Variants in ATG7 observed in about 807,000 individuals in gnomAD.
ATG7 encodes the protein ubiquitin-like modifier-activating enzyme ATG7.
In ATG7, 70 loss-of-function variants were observed where a neutral mutation model predicts 82.4. The ratio of observed to expected loss-of-function variants is 0.85; its 90% CI spans 0.70 to 1.04. The LOEUF (loss-of-function observed/expected upper bound fraction) is 1.04. Ranked by LOEUF, ATG7 falls within the 50% of genes least tolerant of loss-of-function variation. The pLI, the probability that ATG7 is intolerant of heterozygous loss-of-function variation, is 0.00. For missense variants in ATG7, 792 were observed against 864.3 expected (o/e 0.92, Z 1.05); for synonymous variants, 287 against 313.0 (o/e 0.92, Z 0.88).
chr3:11,329,408 C>G (rs555652515), intron 9 of ATG7, among the ~76,000 whole-genome samples: 1 of 152,130 alleles, frequency 6.6e-6, no homozygotes, highest in Non-Finnish European at 1.5e-5. Flanking sequence ...TTCATTTAAC[C>G]CATGCTATGC....
intron 9 of ATG7, among the ~76,000 whole-genome samples, chr3:11,325,346 C>T (rs1055183276): frequency 1.3e-5 from 2 of 152,176 alleles, no homozygotes; most frequent in African/African-American, 4.8e-5. Flanking sequence ...GCGCTGGCCT[C>T]ATTCTCAGTT....
intron 3 of ATG7, among the ~76,000 whole-genome samples, chr3:11,287,119 G>T (rs574664048): frequency 6.6e-6 from 1 of 152,222 alleles, no homozygotes; most frequent in Non-Finnish European, 1.5e-5. Flanking sequence ...ACTCACAAGG[G>T]ATTAGGGACA....
intron 11 of ATG7, among the ~76,000 whole-genome samples, chr3:11,333,351 C>T (rs906520671): frequency 6.6e-6 from 1 of 152,168 alleles, no homozygotes; most frequent in African/African-American, 2.4e-5. Context: ...CCTCTGCTCC[C>T]CCCGTTTTCA....
the ATG7 span, among the ~76,000 whole-genome samples, chr3:11,569,812 T>G: frequency 6.6e-6 from 1 of 151,994 alleles, no homozygotes; most frequent in Non-Finnish European, 1.5e-5. Context: ...GCCCAGGAGG[T>G]GGAGGCTACA....
intron 20 of ATG7, among the ~76,000 whole-genome samples, chr3:11,459,480 T>G (rs1287720207): frequency 7.7e-6 from 1 of 129,118 alleles, no homozygotes; most frequent in Non-Finnish European, 1.6e-5. Context: ...AGAATGAGAA[T>G]AAAAACAGGA....
At chr3:11,443,075 C>T (rs1185062128) in intron 20 of ATG7, among the ~76,000 whole-genome samples, 1 of 152,204 alleles carries the variant, frequency 6.6e-6, no homozygotes, top group Non-Finnish European at 1.5e-5. Context: ...AGACACTCTT[C>T]CCTGTTTTGA....
chr3:11,562,583 G>A (rs146110388), downstream of ATG7, among the ~76,000 whole-genome samples: 6 of 152,360 alleles, frequency 3.9e-5, no homozygotes, highest in East Asian at 7.7e-4. Flanking sequence ...CACAGGCAAC[G>A]TGGCTGCTTG....
intron 19 of ATG7, among the ~76,000 whole-genome samples, chr3:11,400,208 A>G (rs1189697788): frequency 6.6e-6 from 1 of 152,288 alleles, no homozygotes; most frequent in Middle Eastern, 3.4e-3. Flanking sequence ...GGTAGATCAT[A>G]TAACTCATCA....
chr3:11,362,467 G>A (rs2076343784), intron 16 of ATG7, among the ~76,000 whole-genome samples: 1 of 152,160 alleles, frequency 6.6e-6, no homozygotes, highest in Admixed American at 6.5e-5. Flanking sequence ...CTGTGTCTCT[G>A]TCACTTAACT....
intron 19 of ATG7, among the ~76,000 whole-genome samples, chr3:11,391,961 G>GT (rs1000132465): frequency 4.2e-5 from 6 of 142,754 alleles, no homozygotes; most frequent in African/African-American, 1.3e-4. Flanking sequence ...TACTTATTGG[G>GT]GGGGGGGTAA....
chr3:11,524,244 G>A (rs1255113210), intron 20 of ATG7, among the ~76,000 whole-genome samples: 4 of 152,140 alleles, frequency 2.6e-5, no homozygotes, highest in East Asian at 1.9e-4. Context: ...TTGAAACACA[G>A]ACAAAGGAAG....
intron 19 of ATG7, among the ~76,000 whole-genome samples, chr3:11,385,723 A>G (rs1038355957): frequency 6.6e-6 from 1 of 152,240 alleles, no homozygotes; most frequent in African/African-American, 2.4e-5. Flanking sequence ...AGGGTCAAGT[A>G]GGAGTTTCTA....
chr3:11,302,941 G>C (rs116883154), intron 5 of ATG7, among the ~76,000 whole-genome samples: 4 of 152,168 alleles, frequency 2.6e-5, no homozygotes, highest in African/African-American at 4.8e-5. Flanking sequence ...CTTGAGTTAG[G>C]GTATCCTGCT....
chr3:11,327,410 A>G (rs1446130788), intron 9 of ATG7, among the ~76,000 whole-genome samples: 2 of 152,256 alleles, frequency 1.3e-5, no homozygotes, highest in African/African-American at 4.8e-5. Flanking sequence ...GATAGTGTAC[A>G]TAAGAATCAC....
chr3:11,541,191 C>T (rs372599577), intron 20 of ATG7, among the ~76,000 whole-genome samples: 2 of 152,298 alleles, frequency 1.3e-5, no homozygotes, highest in South Asian at 2.1e-4. Flanking sequence ...TGAGCCATCG[C>T]GCCCGGCTGG....
intron 20 of ATG7, among the ~76,000 whole-genome samples, chr3:11,513,562 C>A (rs1234067579): frequency 6.6e-6 from 1 of 152,234 alleles, no homozygotes; most frequent in Non-Finnish European, 1.5e-5. Flanking sequence ...AGCCCACGCC[C>A]ACCCGGAACT....
At chr3:11,431,951 TG>T (rs990529373) in intron 20 of ATG7, among the ~76,000 whole-genome samples, 4 of 152,236 alleles carry the variant, frequency 2.6e-5, no homozygotes, top group Non-Finnish European at 5.9e-5. Flanking sequence ...CCCAATTTTT[TG>T]CACTCATCCC....
intron 18 of ATG7, among the ~76,000 whole-genome samples, chr3:11,368,628 C>T (rs967218302): frequency 1.3e-5 from 2 of 151,088 alleles, no homozygotes; most frequent in Non-Finnish European, 2.9e-5. Flanking sequence ...CCCGTCTCTA[C>T]AAAAAATTAG....
At chr3:11,496,163 T>TA (rs1052771639) in intron 20 of ATG7, among the ~76,000 whole-genome samples, 4 of 151,886 alleles carry the variant, frequency 2.6e-5, no homozygotes, top group Non-Finnish European at 5.9e-5. Flanking sequence ...GCTCTTTAAC[T>TA]AAAAAAAACA....
Sources: gnomAD v4.1 joint callset for allele counts (sites outside exome capture counted in the v4.1 genomes callset) on GRCh38, gnomAD v4.1.1 for gene constraint, MANE v1.5 for transcripts, NCBI Gene and HGNC (gene_info 2026-07-23, HGNC 2026-07-21) for gene names.